PRKCE: variants seen among roughly 807,000 people sequenced by gnomAD.
The protein encoded by PRKCE is protein kinase C epsilon.
Under a neutral mutation model 85.4 loss-of-function variants are expected in PRKCE, and 16 were observed. The ratio of observed to expected loss-of-function variants is 0.19; its 90% confidence interval spans 0.13 to 0.28. The LOEUF is 0.28. PRKCE is among the 10% of genes least tolerant of loss of function. PRKCE has a pLI of 1.00. For synonymous variants in PRKCE, 388 were observed against 371.5 expected (o/e 1.04, Z -0.51); for missense variants, 573 against 975.2 (o/e 0.59, Z 5.49).
intron 13 of PRKCE, among the ~76,000 whole-genome samples, chr2:46,153,845 G>A (rs1467833995): frequency 2.0e-5 from 3 of 147,714 alleles, no homozygotes; most frequent in Admixed American, 1.4e-4. Flanking sequence ...GGAGTGCAGC[G>A]GCACGATCTC....
intron 2 of PRKCE, among the ~76,000 whole-genome samples, chr2:45,917,130 G>A (rs1697855233): frequency 6.6e-6 from 1 of 152,160 alleles, no homozygotes; most frequent in Admixed American, 6.5e-5. Context: ...GATTGGTAGA[G>A]CCCAGTGGTC....
chr2:46,024,853 A>G (rs1706973478), intron 10 of PRKCE, among the ~76,000 whole-genome samples: 1 of 152,140 alleles, frequency 6.6e-6, no homozygotes, highest in African/African-American at 2.4e-5. Context: ...AACTTTCTAG[A>G]TTCACCAGTG....
At chr2:45,966,589 G>C (rs1701745842) in intron 2 of PRKCE, among the ~76,000 whole-genome samples, 1 of 152,158 alleles carries the variant, frequency 6.6e-6, no homozygotes, top group South Asian at 2.1e-4. Context: ...CTCTTTACCT[G>C]GATTCCAAGA....
At chr2:45,990,555 C>G (rs1412495661) in intron 6 of PRKCE, among the ~76,000 whole-genome samples, 1 of 152,330 alleles carries the variant, frequency 6.6e-6, no homozygotes, top group South Asian at 2.1e-4. Flanking sequence ...GGGGTCTACC[C>G]TGACCACTGG....
At chr2:45,712,348 G>A (rs928244715) in intron 1 of PRKCE, among the ~76,000 whole-genome samples, 2 of 151,482 alleles carry the variant, frequency 1.3e-5, no homozygotes, top group Non-Finnish European at 2.9e-5. Context: ...AGAGACGAGG[G>A]TTCCCCATAT....
intron 11 of PRKCE, among the ~76,000 whole-genome samples, chr2:46,116,275 T>C (rs1462242845): frequency 1.3e-5 from 2 of 152,154 alleles, no homozygotes; most frequent in African/African-American, 2.4e-5. Context: ...TTGGAGAATG[T>C]CACGTGAGAG....
Position 46,086,504 on chromosome 2 carries a change from G to C in PRKCE, c.1592+142G>C, listed in dbSNP as rs545046229. 59 of 978,110 alleles carry C rather than the reference G, an allele frequency of 6.0e-5. No individual in the cohort carries two copies. The East Asian group carries it at 1.6e-3, about 26-fold the overall frequency. 60.6% of individuals were successfully genotyped at this position (978,110 alleles called of 1,614,324 possible). A position where few individuals can be genotyped will look rare whatever the true frequency, so the allele number is the denominator to read the frequency against. ...TGTTTGTTCCAATTTGCTTACAGAAGACTTTTTTGGGGGCTGTTTATTCCT... is the reference window on the plus strand; with the variant it reads ...TGTTTGTTCCAATTTGCTTACAGAACACTTTTTTGGGGGCTGTTTATTCCT... On this transcript the variant is annotated intron_variant, in intron 11 of 14. Coordinates refer to ENST00000306156, the MANE Select transcript of PRKCE (RefSeq NM_005400.3).
intron 1 of PRKCE, among the ~76,000 whole-genome samples, chr2:45,761,761 C>A (rs1397832459): frequency 6.6e-6 from 1 of 152,142 alleles, no homozygotes; most frequent in African/African-American, 2.4e-5. Context: ...ACTTCCCTAT[C>A]TGATTTCAAA....
At chr2:45,816,450 G>T (rs1168311451) in intron 1 of PRKCE, among the ~76,000 whole-genome samples, 2 of 152,164 alleles carry the variant, frequency 1.3e-5, no homozygotes, top group Non-Finnish European at 2.9e-5. Context: ...TACAGTGCAG[G>T]GGTGGATAAC....
intron 10 of PRKCE, among the ~76,000 whole-genome samples, chr2:46,030,246 A>T (rs900491044): frequency 6.6e-6 from 1 of 152,234 alleles, no homozygotes; most frequent in African/African-American, 2.4e-5. Flanking sequence ...AGACACACTC[A>T]GAAAGACAGC....
chr2:45,803,351 T>C (rs1428248179), intron 1 of PRKCE, among the ~76,000 whole-genome samples: 7 of 152,258 alleles, frequency 4.6e-5, no homozygotes, highest in African/African-American at 1.7e-4. Flanking sequence ...CTTTGGAATC[T>C]GTTGAGCATC....
intron 1 of PRKCE, among the ~76,000 whole-genome samples, chr2:45,755,415 A>G (rs916035215): frequency 1.1e-4 from 17 of 152,222 alleles, no homozygotes; most frequent in African/African-American, 3.9e-4. Context: ...TGAGTGTCAT[A>G]GCAAATCTAA....
At chr2:45,771,120 G>C (rs559151422) in intron 1 of PRKCE, among the ~76,000 whole-genome samples, 1 of 152,258 alleles carries the variant, frequency 6.6e-6, no homozygotes, top group Non-Finnish European at 1.5e-5. Flanking sequence ...CTGGGGAGTA[G>C]AGAATGCAGG....
chr2:45,846,959 G>A (rs749502143), intron 2 of PRKCE, among the ~76,000 whole-genome samples: 17 of 152,216 alleles, frequency 1.1e-4, no homozygotes, highest in Non-Finnish European at 1.8e-4. Context: ...GAAGCATCTG[G>A]CAGGCTATTC....
At chr2:45,682,861 C>T (rs1207415738) in intron 1 of PRKCE, among the ~76,000 whole-genome samples, 1 of 152,154 alleles carries the variant, frequency 6.6e-6, no homozygotes, top group Non-Finnish European at 1.5e-5. Context: ...GTGTGAGCCG[C>T]CACGCCCAGC....
intron 11 of PRKCE, among the ~76,000 whole-genome samples, chr2:46,117,886 G>A (rs1379103883): frequency 6.6e-6 from 1 of 152,134 alleles, no homozygotes; most frequent in Non-Finnish European, 1.5e-5. Flanking sequence ...GTTTTGACTT[G>A]AAAGTACACC....
Position 45,916,843 on chromosome 2 carries a change from C to T in PRKCE, c.413-59586C>T, listed in dbSNP as rs181969164. Among the ~76,000 whole-genome samples the T allele has an allele frequency of 7.9e-4, 120 of 152,270 alleles. 1 individual carries two copies. The highest frequency in any genetic ancestry group is 7.3e-3 in the Admixed American group (111 of 15,302). ...GAGTGTTACAGCTCTTAAGGTGACG[C>T]GTCTGGAGTTTGTTCCTTCTGATGT... On this transcript the variant is annotated intron_variant, in intron 2 of 14. Transcript: ENST00000306156.
intron 9 of PRKCE, among the ~76,000 whole-genome samples, chr2:46,009,264 CAG>C (rs768332219): frequency 2.0e-5 from 3 of 151,964 alleles, no homozygotes; most frequent in Non-Finnish European, 4.4e-5. Context: ...AATAAAATAA[CAG>C]AAAATTATAA....
rs149560073 is a variant in PRKCE at position 45,999,501 on chromosome 2, G to A, written c.824-1903G>A. Among the ~76,000 whole-genome samples, 263 of 151,684 alleles carry A rather than the reference G, an allele frequency of 1.7e-3. 4 individuals carry two copies. In the East Asian group the frequency reaches 0.041, roughly 23 times the overall value. On this transcript the variant is annotated intron_variant, in intron 6 of 14. Transcript: ENST00000306156. ...TTTTTTTCCTTTGACTTCTTTCAGC[G>A]TTTTTTAAATAGTTGATTTTCTGTA...
Sources: gnomAD v4.1 joint callset for allele counts (sites outside exome capture counted in the v4.1 genomes callset) on GRCh38, gnomAD v4.1.1 for gene constraint, MANE v1.5 for transcripts, NCBI Gene and HGNC (gene_info 2026-07-23, HGNC 2026-07-21) for gene names.